The following LLGL1 variants were observed in gnomAD, a reference collection of about 807,000 sequenced individuals.
LLGL1 encodes the protein lethal(2) giant larvae protein homolog 1.
In LLGL1, 58 loss-of-function variants were observed where a neutral mutation model predicts 110.6. That is an observed-to-expected ratio of 0.52 (90% confidence interval 0.42 to 0.65). The LOEUF is 0.65. LLGL1 is among the 30% of genes least tolerant of loss of function. The probability of loss-of-function intolerance (pLI) is 0.00; values close to 1 mark genes in which losing one functional copy is unlikely to be tolerated. For synonymous variants in LLGL1, 674 were observed against 607.2 expected (o/e 1.11, Z -1.62); for missense variants, 1,229 against 1,462.1 (o/e 0.84, Z 2.60).
intron 2 of LLGL1, among the ~76,000 whole-genome samples, chr17:18,231,047 G>C (rs113998350): frequency 0.019 from 2,921 of 152,284 alleles, 95 homozygotes; most frequent in African/African-American, 0.066. Context: ...GTGCGCACAT[G>C]TGTCCCTGCA....
chr17:18,238,733 A>T, intron 16 of LLGL1, 124 bp downstream of exon 16: 3 of 973,366 alleles, frequency 3.1e-6, no homozygotes, highest in Non-Finnish European at 3.1e-6. Flanking sequence ...GTGGCTGGGC[A>T]CGGTGGCTCA....
chr17:18,243,739 A>C, intron 22 of LLGL1, among the ~76,000 whole-genome samples, 169 bp from the exon 23 acceptor site: 1 of 152,146 alleles, frequency 6.6e-6, no homozygotes, highest in East Asian at 1.9e-4. Context: ...TGGCGCTTGG[A>C]TACCCATCTG....
At chr17:18,233,281 C>T (rs1489622813) in intron 4 of LLGL1, among the ~76,000 whole-genome samples, 1 of 152,120 alleles carries the variant, frequency 6.6e-6, no homozygotes, top group Non-Finnish European at 1.5e-5. Context: ...GCAGCATGCC[C>T]CAGCTGAGTG....
At chr17:18,226,405 TGA>T (rs2047444312) in intron 1 of LLGL1, among the ~76,000 whole-genome samples, 1 of 151,424 alleles carries the variant, frequency 6.6e-6, no homozygotes, top group South Asian at 2.1e-4. Flanking sequence ...CCCAGGAGGG[TGA>T]GAGAGTTAGT....
rs1416910897 is a variant in LLGL1, at chr17:18,242,898, C to T, written c.*1+76C>T. 8.1e-6 allele frequency: 11 copies of T among 1,362,522 alleles called. No homozygotes were observed. In the African/African-American group the frequency reaches 1.2e-4, roughly 15 times the overall value. 84.4% of individuals were successfully genotyped at this position (1,362,522 alleles called of 1,614,324 possible). ...TTCAGCCCGTCTGGGTACCATTTGG[C>T]CCTGGTCTTCTACCTGAGACCCTGG... On this transcript the variant is annotated intron_variant, in intron 22 of 22. Coordinates refer to ENST00000316843, the MANE Select transcript of LLGL1 (RefSeq NM_004140.4).
In LLGL1 at chr17:18,238,230, C is replaced by T. The variant is rs1488035880; in HGVS notation, c.2052+16C>T. ...CAGCAGCAAGGTGAGCTGGGGTGGGCTGCACAGGAGCTGTGCCTGTGTCCT... is the reference window on the plus strand; with the variant it reads ...CAGCAGCAAGGTGAGCTGGGGTGGGTTGCACAGGAGCTGTGCCTGTGTCCT... On this transcript the variant is annotated intron_variant, in intron 15 of 22. Transcript: ENST00000316843. The T allele has an allele frequency of 1.2e-6, 2 of 1,608,944 alleles. No individual in the cohort carries two copies. Among genetic ancestry groups the T allele is most frequent in the Non-Finnish European group, 1.7e-6 (2 of 1,179,938 alleles).
intron 8 of LLGL1, 53 bp downstream of exon 8, chr17:18,234,756 G>A: frequency 1.9e-6 from 3 of 1,613,706 alleles, no homozygotes; most frequent in Admixed American, 1.7e-5. Flanking sequence ...TAGGGGGCTG[G>A]AAGGGTGGGC....
At position 18,242,506 on chromosome 17, in the gene LLGL1, AGACACCCCGGAGCCACCC is replaced by A; in HGVS notation, c.2997_3014del (p.Asp999_Pro1004del). The A allele has an allele frequency of 6.2e-7, 1 of 1,613,960 alleles. No individual in the cohort carries two copies. The highest frequency in any genetic ancestry group is 8.5e-7 in the Non-Finnish European group (1 of 1,179,942). ...TAGGGGCTGATGACTTGCTCCCTGT[AGACACCCCGGAGCCACCC>A]GAGGCTGCACTCTCACCCATGTCCA... On this transcript the variant is annotated splice_acceptor_variant and coding_sequence_variant, in exon 21 of 23. Transcript: ENST00000316843. LOFTEE classifies it high-confidence loss of function.
At position 18,241,999 on chromosome 17, in the gene LLGL1, G is replaced by C. The variant is rs146640740; in HGVS notation, c.2882G>C (p.Ser961Thr). The change falls in exon 19 of 23, where the codon AGT becomes ACT. Residue 961 changes from serine to threonine, a missense_variant and splice_region_variant. By Grantham distance (58) the Ser-to-Thr change is moderately conservative. Transcript: ENST00000316843. ...TGGCCCCGCGATGCCACCCAGGCCA[G>C]GTGTGTGGAGGGGCAGCTCCTAGCC... Reference protein sequence around the residue: ...INWPRDATQASYRIRESPKLS... With the variant: ...INWPRDATQATYRIRESPKLS... 6.2e-7 allele frequency: 1 copy of C among 1,611,374 alleles called. No individual in the cohort carries two copies. The highest frequency in any genetic ancestry group is 8.5e-7 in the Non-Finnish European group (1 of 1,177,658).
chr17:18,241,689 C>T lies in LLGL1; in HGVS notation c.2741C>T (p.Ser914Leu), dbSNP rs1419371061. ...AAGGAGGACATCAGCGGCATCGCTT[C>T]GTGCGTCTTTACGCGCCATGGCCAG... The part of the protein sequence containing the change: ...IRKEDISGIA[S>L]CVFTRHGQGF... Residue 914 changes from serine to leucine, a missense_variant, in exon 18 of 23, where the codon TCG becomes TTG. Transcript: ENST00000316843. 7 of 1,613,398 alleles carry T rather than the reference C, an allele frequency of 4.3e-6. No individual in the cohort carries two copies. The highest frequency in any genetic ancestry group is 2.2e-5 in the South Asian group (2 of 91,084).
chr17:18,231,464 G>A (rs1324725542), intron 2 of LLGL1, among the ~76,000 whole-genome samples: 1 of 152,120 alleles, frequency 6.6e-6, no homozygotes, highest in Non-Finnish European at 1.5e-5. Flanking sequence ...TCTGTCATGG[G>A]GCCCCCTCAG....
intron 1 of LLGL1, among the ~76,000 whole-genome samples, chr17:18,227,306 A>G (rs764929704): frequency 2.0e-5 from 3 of 151,760 alleles, no homozygotes; most frequent in Non-Finnish European, 2.9e-5. Context: ...GATGGCACCT[A>G]TTTTCTGTGC....
chr17:18,241,802 C>G, intron 18 of LLGL1, 83 bp from the exon 19 acceptor site: 1 of 1,606,056 alleles, frequency 6.2e-7, no homozygotes, highest in South Asian at 1.1e-5. Flanking sequence ...AAGGGCACTC[C>G]AGGTGGGCAC....
chr17:18,237,860 G>A, intron 14 of LLGL1, 87 bp downstream of exon 14: 3 of 1,452,518 alleles, frequency 2.1e-6, no homozygotes, highest in Non-Finnish European at 1.9e-6. Context: ...GTTTGGTGTG[G>A]CAAAGGCCAC....
chr17:18,238,506 G>C lies in LLGL1; in HGVS notation c.2103G>C (p.Val701=). 1 of 1,612,564 alleles carries C rather than the reference G, an allele frequency of 6.2e-7. No individual in the cohort carries two copies. Among genetic ancestry groups the C allele is most frequent in the Non-Finnish European group, 8.5e-7 (1 of 1,180,000 alleles). Residue 701 remains valine (V), a synonymous_variant, in exon 16 of 23, where the codon GTG becomes GTC. Transcript: ENST00000316843. The part of the protein sequence containing the change: ...QLAEQACPHD[V]EMTPVQRRIE... The stretch of plus-strand genomic sequence containing the variant: ...CTGAGCAGGCCTGCCCCCACGACGT[G>C]GAGATGACGCCCGTGCAGCGCCGCA...
At chr17:18,233,301 G>A (rs1412239688) in intron 4 of LLGL1, among the ~76,000 whole-genome samples, 1 of 152,130 alleles carries the variant, frequency 6.6e-6, no homozygotes, top group Non-Finnish European at 1.5e-5. Flanking sequence ...GAGAGTGTGG[G>A]GCATCTCTCT....
intron 6 of LLGL1, 36 bp from the exon 7 acceptor site, chr17:18,234,237 A>C (rs2047637295): frequency 3.8e-6 from 6 of 1,595,930 alleles, no homozygotes; most frequent in African/African-American, 1.3e-5. Flanking sequence ...ACCATGGCTC[A>C]TGCCTGCCTG....
intron 14 of LLGL1, 24 bp downstream of exon 14, chr17:18,237,797 G>A: frequency 6.3e-7 from 1 of 1,584,084 alleles, no homozygotes; most frequent in Non-Finnish European, 8.6e-7. Flanking sequence ...GGCCGGCTGG[G>A]CAGTTGGAGC....
chr17:18,234,155 C>A lies in LLGL1; in HGVS notation c.694C>A (p.His232Asn), dbSNP rs746200923. 1.2e-6 allele frequency: 2 copies of A among 1,604,066 alleles called. No individual in the cohort carries two copies. The highest frequency in any genetic ancestry group is 1.7e-6 in the Non-Finnish European group (2 of 1,173,466). Residue 232 changes from histidine to asparagine, a missense_variant, in exon 6 of 23, where the codon CAC becomes AAC. His to Asn is a moderately conservative substitution (Grantham distance 68). Coordinates refer to ENST00000316843, the MANE Select transcript of LLGL1 (RefSeq NM_004140.4). ...GAACCAGGCCTCGCAGTGTGTGGAC[C>A]ACATCTTCCTGGGGAACCAGGTATG... ...IWNQASQCVD[H>N]IFLGNQQLES...
Sources: gnomAD v4.1 joint callset for allele counts (sites outside exome capture counted in the v4.1 genomes callset) on GRCh38, gnomAD v4.1.1 for gene constraint, MANE v1.5 for transcripts, NCBI Gene and HGNC (gene_info 2026-07-23, HGNC 2026-07-21) for gene names.